FYN: variants seen among roughly 807,000 people sequenced by gnomAD.
FYN encodes FYN proto-oncogene, Src family tyrosine kinase.
In FYN, 10 loss-of-function variants were observed where a neutral mutation model predicts 70.2. The ratio of observed to expected loss-of-function variants is 0.14; its 90% CI spans 0.09 to 0.24. The LOEUF (loss-of-function observed/expected upper bound fraction) is 0.24. FYN is among the 10% of genes least tolerant of loss of function. FYN has a pLI of 1.00. For synonymous variants in FYN, 236 were observed against 248.6 expected, an observed-to-expected ratio of 0.95 and a Z score of 0.48; for missense variants, 319 against 673.1, an observed-to-expected ratio of 0.47 and a Z score of 5.82.
intron 3 of FYN, among the ~76,000 whole-genome samples, chr6:111,776,098 A>G (rs536037563): frequency 2.6e-5 from 4 of 152,128 alleles, no homozygotes; most frequent in African/African-American, 4.8e-5. Context: ...GCAAGTTCTG[A>G]CCTCTCCTTG....
At chr6:111,688,396 A>G (rs1319496760) in intron 12 of FYN, among the ~76,000 whole-genome samples, 2 of 152,194 alleles carry the variant, frequency 1.3e-5, no homozygotes, top group African/African-American at 4.8e-5. Flanking sequence ...TCCCAGAGAG[A>G]GCCATGCACA....
chr6:111,854,996 GAAATGTCTGTTGTTCC>G (rs538645146), intron 1 of FYN, among the ~76,000 whole-genome samples: 79 of 152,306 alleles, frequency 5.2e-4, no homozygotes, highest in African/African-American at 1.8e-3. Flanking sequence ...TCTTTTGGAT[GAAATGTCTGTTGTTCC>G]AAATTGATTT....
At chr6:111,774,112 T>C (rs1434623062) in intron 3 of FYN, among the ~76,000 whole-genome samples, 2 of 152,172 alleles carry the variant, frequency 1.3e-5, no homozygotes, top group Non-Finnish European at 2.9e-5. Context: ...TGGACACTGA[T>C]AGAGATAGGA....
rs1799745154 is a variant in FYN, at chr6:111,699,754, G to C, written c.862+350C>G. The C allele has an allele frequency of 7.6e-6, 10 of 1,320,046 alleles. 1 individual carries two copies. The East Asian group carries it at 2.4e-4, about 31-fold the overall frequency. 81.8% of individuals were successfully genotyped at this position (1,320,046 alleles called of 1,614,324 possible). On this transcript the variant is annotated intron_variant, in intron 9 of 13. Coordinates refer to ENST00000354650, the MANE Select transcript of FYN (RefSeq NM_002037.5). ...CACTAGGAAAGATGGAAGGTGACTT[G>C]CCCGTTAGGATGACACTCAACAAAT...
intron 2 of FYN, among the ~76,000 whole-genome samples, chr6:111,841,778 ATT>A (rs80041109): frequency 7.8e-5 from 11 of 140,798 alleles, no homozygotes; most frequent in Admixed American, 1.4e-4. Flanking sequence ...AGGAAGAGGG[ATT>A]TTTTTTTTTT....
At chr6:111,834,876 A>G (rs1175393973) in intron 2 of FYN, among the ~76,000 whole-genome samples, 2 of 152,080 alleles carry the variant, frequency 1.3e-5, no homozygotes, top group Admixed American at 1.3e-4. Context: ...CCTCATTCCT[A>G]TAGAATAATC....
rs114597577 is a variant in FYN, at chr6:111,829,780, C to A, written c.-82+16809G>T. Among the ~76,000 whole-genome samples the A allele has an allele frequency of 1.1e-3, 173 of 152,310 alleles. 1 individual carries two copies. The highest frequency in any genetic ancestry group is 3.9e-3 in the African/African-American group (164 of 41,564). ...CCAGCTCCATTAAGTCTATGAAATA[C>A]TGCAATAGACATGCCACGGATACAT... On this transcript the variant is annotated intron_variant, in intron 2 of 13. Coordinates refer to ENST00000354650, the MANE Select transcript of FYN (RefSeq NM_002037.5).
chr6:111,708,553 A>C (rs1437291994), intron 5 of FYN, among the ~76,000 whole-genome samples: 3 of 152,278 alleles, frequency 2.0e-5, no homozygotes, highest in Admixed American at 2.0e-4. Context: ...GGCATGCTCT[A>C]AACACGTGCC....
At chr6:111,743,475 G>A (rs2128481011) in intron 3 of FYN, among the ~76,000 whole-genome samples, 1 of 152,326 alleles carries the variant, frequency 6.6e-6, no homozygotes, top group East Asian at 1.9e-4. Context: ...CCGCATCAGA[G>A]AAATGAGGGA....
intron 2 of FYN, among the ~76,000 whole-genome samples, chr6:111,844,112 C>A (rs1455308923): frequency 6.6e-6 from 1 of 152,332 alleles, no homozygotes; most frequent in African/African-American, 2.4e-5. Flanking sequence ...AGCTCCCTCA[C>A]AGGACTGCTG....
intron 2 of FYN, among the ~76,000 whole-genome samples, chr6:111,829,386 T>C (rs1772941963): frequency 6.6e-6 from 1 of 152,172 alleles, no homozygotes; most frequent in Admixed American, 6.6e-5. Context: ...ATTAGAAACA[T>C]TTGTAAAAGA....
Position 111,704,065 on chromosome 6 carries a change from G to A in FYN, c.481C>T (p.Arg161Ter). The part of the protein sequence containing the change: ...FGKLGRKDAE[R>*]QLLSFGNPRG... ...GGGTTTCCAAAGGACAATAGCTGTCGCTCAGCATCTTTTCGGCCAAGTTTT... is the reference window on the plus strand; with the variant it reads ...GGGTTTCCAAAGGACAATAGCTGTCACTCAGCATCTTTTCGGCCAAGTTTT... Residue 161 changes from arginine to a stop codon, truncating the protein, a stop_gained, in exon 7 of 14, where the codon CGA (arginine) becomes TGA (stop). Transcript: ENST00000354650. LOFTEE classifies it high-confidence loss of function. 1.2e-6 allele frequency: 2 copies of A among 1,614,110 alleles called. No homozygotes were observed. Among genetic ancestry groups the A allele is most frequent in the African/African-American group, 1.3e-5 (1 of 75,038 alleles).
chr6:111,849,425 A>G (rs187100360), intron 1 of FYN, among the ~76,000 whole-genome samples: 2 of 152,312 alleles, frequency 1.3e-5, no homozygotes, highest in Admixed American at 1.3e-4. Flanking sequence ...ACTGTTTCCG[A>G]ATGCCCACAG....
chr6:111,692,816 C>T (rs1799396009), intron 12 of FYN, among the ~76,000 whole-genome samples: 1 of 152,212 alleles, frequency 6.6e-6, no homozygotes, highest in African/African-American at 2.4e-5. Context: ...GGGCAAGTCT[C>T]AGATCCACTG....
intron 1 of FYN, among the ~76,000 whole-genome samples, chr6:111,870,290 G>C (rs1774235149): frequency 1.3e-5 from 2 of 152,148 alleles, no homozygotes; most frequent in African/African-American, 4.8e-5. Flanking sequence ...GATAAGCTAT[G>C]GGATGGTGGA....
intron 3 of FYN, among the ~76,000 whole-genome samples, chr6:111,730,596 C>T (rs1176877080): frequency 6.6e-6 from 1 of 152,156 alleles, no homozygotes; most frequent in East Asian, 1.9e-4. Flanking sequence ...CCTGCCCTCG[C>T]TCTTGTTGCC....
At chr6:111,722,582 G>A (rs1269054230) in intron 3 of FYN, among the ~76,000 whole-genome samples, 1 of 152,158 alleles carries the variant, frequency 6.6e-6, no homozygotes, top group African/African-American at 2.4e-5. Context: ...ATTAGAGAAT[G>A]TGAGACCTGA....
intron 3 of FYN, among the ~76,000 whole-genome samples, chr6:111,730,988 C>G (rs1046162714): frequency 6.6e-6 from 1 of 152,226 alleles, no homozygotes. Context: ...GGTGGCAGAA[C>G]TGGCCGAGGG....
intron 3 of FYN, among the ~76,000 whole-genome samples, chr6:111,776,588 TTG>T (rs765944523): frequency 8.5e-5 from 13 of 152,146 alleles, no homozygotes; most frequent in Non-Finnish European, 1.5e-5. Flanking sequence ...GGTAGTAAAG[TTG>T]AGAGAATATT....
Sources: allele counts gnomAD v4.1 joint callset (sites outside exome capture counted in the v4.1 genomes callset), GRCh38; gene constraint gnomAD v4.1.1; transcripts MANE v1.5; gene names NCBI Gene and HGNC (gene_info 2026-07-23, HGNC 2026-07-21).